The following IGF1 variants were observed in gnomAD, a reference collection of about 807,000 sequenced individuals.
IGF1 encodes insulin-like growth factor 1.
In IGF1, 4 loss-of-function variants were observed where a neutral mutation model predicts 13.8. That is an observed-to-expected ratio of 0.29 (90% CI 0.14 to 0.66). IGF1 has a LOEUF of 0.66. Ranked by LOEUF, IGF1 falls within the 30% of genes least tolerant of loss-of-function variation. IGF1 has a pLI of 0.78. For missense variants in IGF1, 124 were observed against 188.5 expected (o/e 0.66, Z 2.00); for synonymous variants, 76 against 72.6 (o/e 1.05, Z -0.23).
chr12:102,418,855 A>G (rs553146044), intron 3 of IGF1, among the ~76,000 whole-genome samples: 13 of 152,372 alleles, frequency 8.5e-5, no homozygotes, highest in East Asian at 5.8e-4. Context: ...GATTTTGATC[A>G]TTACAAATGT....
intron 3 of IGF1, among the ~76,000 whole-genome samples, chr12:102,405,037 G>A (rs888710443): frequency 2.1e-4 from 32 of 151,634 alleles, no homozygotes; most frequent in African/African-American, 7.3e-4. Flanking sequence ...TATTACAGGC[G>A]TAAGCTAAAT....
At chr12:102,452,106 C>T (rs1313369511) in intron 2 of IGF1, among the ~76,000 whole-genome samples, 1 of 151,388 alleles carries the variant, frequency 6.6e-6, no homozygotes, top group Non-Finnish European at 1.5e-5. Context: ...ACTAAAAATA[C>T]AAAAAATTAG....
At chr12:102,408,472 G>A (rs1341221920) in intron 3 of IGF1, among the ~76,000 whole-genome samples, 2 of 152,150 alleles carry the variant, frequency 1.3e-5, no homozygotes, top group African/African-American at 2.4e-5. Context: ...TTTGAGAAAC[G>A]TGTACTCCTT....
At chr12:102,439,848 C>T (rs971929476) in intron 2 of IGF1, among the ~76,000 whole-genome samples, 2 of 152,116 alleles carry the variant, frequency 1.3e-5, no homozygotes, top group African/African-American at 4.8e-5. Flanking sequence ...GAAGATTATT[C>T]CTCATCTCTT....
At chr12:102,451,537 AAAG>A (rs1878931590) in intron 2 of IGF1, among the ~76,000 whole-genome samples, 1 of 152,214 alleles carries the variant, frequency 6.6e-6, no homozygotes, top group African/African-American at 2.4e-5. Flanking sequence ...TAGATGATGA[AAAG>A]AAGAGAAAGT....
At chr12:102,440,377 G>T (rs1477830163) in intron 2 of IGF1, among the ~76,000 whole-genome samples, 1 of 152,132 alleles carries the variant, frequency 6.6e-6, no homozygotes, top group Non-Finnish European at 1.5e-5. Context: ...GGAGATAGCC[G>T]ATTTCTCCAA....
At chr12:102,466,702 G>T (rs966918449) in intron 2 of IGF1, among the ~76,000 whole-genome samples, 1 of 152,126 alleles carries the variant, frequency 6.6e-6, no homozygotes, top group Non-Finnish European at 1.5e-5. Flanking sequence ...AGGAATTTGA[G>T]ACCAGCATGG....
chr12:102,404,519 T>A (rs1416829985), intron 3 of IGF1, among the ~76,000 whole-genome samples: 3 of 152,044 alleles, frequency 2.0e-5, no homozygotes, highest in Admixed American at 6.6e-5. Context: ...ACTGACTGAG[T>A]AGAAGGAAGA....
At chr12:102,471,064 T>G (rs1288174567) in intron 2 of IGF1, among the ~76,000 whole-genome samples, 3 of 152,176 alleles carry the variant, frequency 2.0e-5, no homozygotes, top group Non-Finnish European at 2.9e-5. Context: ...TGGTCATATC[T>G]AAGCTTCTAT....
rs1873240759 is a variant in IGF1, at chr12:102,396,958, T to C, written c.*5549A>G. 5.0e-6 allele frequency: 2 copies of C among 397,678 alleles called. No homozygotes were observed. Among genetic ancestry groups the C allele is most frequent in the Non-Finnish European group, 8.9e-6 (2 of 225,652 alleles). 24.6% of individuals were successfully genotyped at this position (397,678 alleles called of 1,614,324 possible). ...TGGCTCATGCCTGTAATCCCAGCAATTTGGGAGGCTGAGGCGGGCAAATCA... is the reference window on the plus strand; with the variant it reads ...TGGCTCATGCCTGTAATCCCAGCAACTTGGGAGGCTGAGGCGGGCAAATCA... On this transcript the variant is annotated 3_prime_UTR_variant, in exon 4 of 4. Transcript: ENST00000337514.
At chr12:102,440,390 A>G (rs1352397328) in intron 2 of IGF1, among the ~76,000 whole-genome samples, 2 of 152,214 alleles carry the variant, frequency 1.3e-5, no homozygotes, top group African/African-American at 4.8e-5. Flanking sequence ...TTCTCCAAGA[A>G]TCATGGAATG....
intron 2 of IGF1, among the ~76,000 whole-genome samples, chr12:102,450,285 T>A (rs1332411148): frequency 6.6e-6 from 1 of 152,234 alleles, no homozygotes; most frequent in Non-Finnish European, 1.5e-5. Flanking sequence ...CTCCTAGAAA[T>A]TGCTCCATGA....
At chr12:102,403,322 A>T (rs1316784623) in intron 3 of IGF1, among the ~76,000 whole-genome samples, 1 of 152,218 alleles carries the variant, frequency 6.6e-6, no homozygotes, top group Admixed American at 6.5e-5. Context: ...CACTATTATC[A>T]TTATTAAATC....
chr12:102,453,091 C>T (rs1262256391), intron 2 of IGF1, among the ~76,000 whole-genome samples: 1 of 152,116 alleles, frequency 6.6e-6, no homozygotes, highest in African/African-American at 2.4e-5. Context: ...ATCCTGGAAC[C>T]CCACAGTTCT....
intron 3 of IGF1, among the ~76,000 whole-genome samples, chr12:102,403,819 G>A (rs1873896312): frequency 6.6e-6 from 1 of 151,952 alleles, no homozygotes; most frequent in Non-Finnish European, 1.5e-5. Flanking sequence ...GACCAGAGAT[G>A]TATCTGTCTG....
At chr12:102,460,451 C>T (rs1385428995) in intron 2 of IGF1, among the ~76,000 whole-genome samples, 1 of 152,146 alleles carries the variant, frequency 6.6e-6, no homozygotes, top group Non-Finnish European at 1.5e-5. Context: ...ATGGGTCCCC[C>T]CACAAAGAAA....
intron 3 of IGF1, among the ~76,000 whole-genome samples, chr12:102,407,633 C>A (rs1255339599): frequency 1.3e-5 from 2 of 152,184 alleles, no homozygotes; most frequent in East Asian, 3.8e-4. Context: ...TAAAAAATAT[C>A]TAGTGCTTTC....
intron 3 of IGF1, among the ~76,000 whole-genome samples, chr12:102,409,273 T>A (rs1874431533): frequency 6.6e-6 from 1 of 152,198 alleles, no homozygotes; most frequent in Non-Finnish European, 1.5e-5. Context: ...GTAAGAGCCC[T>A]CTCTGGGTCT....
rs574217892 is a variant in IGF1 at position 102,409,593 on chromosome 12, T to C, written c.403-7027A>G. Among the ~76,000 whole-genome samples, 18 of 152,272 alleles carry C rather than the reference T, an allele frequency of 1.2e-4. No individual in the cohort carries two copies. In the East Asian group the frequency reaches 3.5e-3, roughly 29 times the overall value. On this transcript the variant is annotated intron_variant, in intron 3 of 3. Coordinates refer to ENST00000337514, the MANE Select transcript of IGF1 (RefSeq NM_000618.5). ...CCTGCCATCTCATACAAGTGACAGA[T>C]TGTATATGGTAAATATCAACTAAGA... is the stretch of plus-strand genomic sequence containing the variant.
Sources: allele counts gnomAD v4.1 joint callset (sites outside exome capture counted in the v4.1 genomes callset), GRCh38; gene constraint gnomAD v4.1.1; transcripts MANE v1.5; gene names NCBI Gene and HGNC (gene_info 2026-07-23, HGNC 2026-07-21).